Variants in GABRG3 observed in about 807,000 individuals in gnomAD.
GABRG3 encodes gamma-aminobutyric acid receptor subunit gamma-3.
A neutral mutation model predicts 48.8 loss-of-function variants in GABRG3; 25 were observed. The ratio of observed to expected loss-of-function variants is 0.51; its 90% CI spans 0.37 to 0.72. The LOEUF (loss-of-function observed/expected upper bound fraction) is 0.72. GABRG3 is among the 30% of genes least tolerant of loss of function. The pLI is 0.00. For missense variants in GABRG3, 394 were observed against 577.9 expected (o/e 0.68, Z 3.26); for synonymous variants, 227 against 217.6 (o/e 1.04, Z -0.38).
intron 5 of GABRG3, among the ~76,000 whole-genome samples, chr15:27,439,745 T>C (rs562517889): frequency 5.9e-5 from 9 of 152,224 alleles, no homozygotes; most frequent in Non-Finnish European, 1.3e-4. Context: ...AGGCACGTTC[T>C]ATTTTTTTCT....
intron 5 of GABRG3, among the ~76,000 whole-genome samples, chr15:27,378,138 C>T (rs1895657267): frequency 3.3e-5 from 5 of 152,150 alleles, no homozygotes; most frequent in Admixed American, 3.3e-4. Flanking sequence ...TAGCTGATGT[C>T]ATGATTTATC....
intron 5 of GABRG3, among the ~76,000 whole-genome samples, chr15:27,442,986 C>A (rs1888836415): frequency 6.6e-6 from 1 of 152,156 alleles, no homozygotes; most frequent in Non-Finnish European, 1.5e-5. Context: ...TTGGCCCTCC[C>A]CAAATAAAGT....
chr15:27,232,498 G>C (rs965662434), intron 3 of GABRG3, among the ~76,000 whole-genome samples: 3 of 152,148 alleles, frequency 2.0e-5, no homozygotes, highest in African/African-American at 7.2e-5. Context: ...CCAACTCACT[G>C]GATTGAATGT....
intron 5 of GABRG3, among the ~76,000 whole-genome samples, chr15:27,377,813 G>GTA (rs1895646743): frequency 6.6e-6 from 1 of 152,176 alleles, no homozygotes. Flanking sequence ...TGTAAAGCTT[G>GTA]TATATATGGA....
At chr15:27,515,590 G>A (rs1566875400) in intron 6 of GABRG3, among the ~76,000 whole-genome samples, 1 of 152,160 alleles carries the variant, frequency 6.6e-6, no homozygotes, top group African/African-American at 2.4e-5. Flanking sequence ...GTATCTGTAA[G>A]TTGGTGGGGT....
chr15:27,049,375 C>A (rs118158165), intron 3 of GABRG3, among the ~76,000 whole-genome samples: 1 of 152,324 alleles, frequency 6.6e-6, no homozygotes, highest in Non-Finnish European at 1.5e-5. Context: ...TCACTATCTT[C>A]CTGGAGCACC....
At chr15:27,192,133 C>G (rs1033320548) in intron 3 of GABRG3, among the ~76,000 whole-genome samples, 6 of 151,650 alleles carry the variant, frequency 4.0e-5, no homozygotes, top group African/African-American at 1.2e-4. Context: ...GGTAACCCGA[C>G]CTTTCTCTCT....
intron 5 of GABRG3, among the ~76,000 whole-genome samples, chr15:27,450,558 A>G (rs1258750015): frequency 6.6e-6 from 1 of 152,214 alleles, no homozygotes. Context: ...GAAAAAATGT[A>G]CCTCAAAATA....
rs57903886 is a variant in GABRG3, at chr15:27,062,434, T to TAAAAAAAAAAAAAAA, written c.270+35623_270+35637dup. ...CAACATGGTGAAACTCCATCTCTACTAAAAAAAAAAAAAAAAAAAAAAAAT... is the reference window on the plus strand; with the variant it reads ...CAACATGGTGAAACTCCATCTCTACTAAAAAAAAAAAAAAAAAAAAAAAAAAAAAAAAAAAAAAAT... On this transcript the variant is annotated intron_variant, in intron 3 of 9. Transcript: ENST00000615808. Among the ~76,000 whole-genome samples the TAAAAAAAAAAAAAAA allele has an allele frequency of 2.1e-3, 70 of 32,850 alleles. 2 individuals are homozygous for TAAAAAAAAAAAAAAA. The highest frequency in any genetic ancestry group is 7.2e-3 in the East Asian group (11 of 1,520). 21.6% of individuals were successfully genotyped at this position (32,850 alleles called of 152,430 possible).
chr15:27,308,413 A>T (rs1375745299), intron 3 of GABRG3, among the ~76,000 whole-genome samples: 1 of 146,860 alleles, frequency 6.8e-6, no homozygotes, highest in Non-Finnish European at 1.5e-5. Flanking sequence ...AACATATATA[A>T]ACATGTAATG....
chr15:27,238,253 G>T (rs1400276043), intron 3 of GABRG3, among the ~76,000 whole-genome samples: 3 of 152,332 alleles, frequency 2.0e-5, no homozygotes, highest in East Asian at 1.9e-4. Context: ...ACAGTTGTTT[G>T]ATGTGTTTAA....
chr15:27,135,021 T>C (rs1237366139), intron 3 of GABRG3, among the ~76,000 whole-genome samples: 1 of 152,208 alleles, frequency 6.6e-6, no homozygotes, highest in African/African-American at 2.4e-5. Context: ...GTTATGACCT[T>C]GAATGATAAT....
chr15:27,457,344 C>G lies in GABRG3; in HGVS notation c.575-23306C>G, dbSNP rs1345240859. On this transcript the variant is annotated intron_variant, in intron 5 of 9. Coordinates refer to ENST00000615808, the MANE Select transcript of GABRG3 (RefSeq NM_033223.5). This position sits in a 1 kb window ranked among gnomAD's most constrained non-coding sequence, Gnocchi z 4.4. Reference sequence around the variant, plus strand: ...GGACTAAGTCCTTGCTAGCATTTGACGTTTTGTTTTTTGCGTTTGTAGAAA... The same window carrying G: ...GGACTAAGTCCTTGCTAGCATTTGAGGTTTTGTTTTTTGCGTTTGTAGAAA... 6.6e-6 allele frequency among the ~76,000 whole-genome samples: 1 copy of G among 152,170 alleles called. No homozygotes were observed. Among genetic ancestry groups the G allele is most frequent in the African/African-American group, 2.4e-5 (1 of 41,432 alleles).
chr15:27,459,934 T>G (rs1889398852), intron 5 of GABRG3, among the ~76,000 whole-genome samples: 1 of 152,172 alleles, frequency 6.6e-6, no homozygotes, highest in African/African-American at 2.4e-5. Flanking sequence ...TTTCTGGATT[T>G]TGAGAGTGAG....
intron 2 of GABRG3, among the ~76,000 whole-genome samples, chr15:26,999,503 T>TC (rs953907321): frequency 6.6e-6 from 1 of 152,094 alleles, no homozygotes; most frequent in Non-Finnish European, 1.5e-5. Flanking sequence ...CATGTGTTTT[T>TC]CCCCCCTGTG....
intron 3 of GABRG3, among the ~76,000 whole-genome samples, chr15:27,303,174 A>G (rs1363829783): frequency 6.6e-6 from 1 of 151,792 alleles, no homozygotes; most frequent in African/African-American, 2.4e-5. Context: ...AATTAGTGAA[A>G]TCAAATCTAA....
At chr15:27,265,389 C>T (rs954133661) in intron 3 of GABRG3, among the ~76,000 whole-genome samples, 26 of 152,298 alleles carry the variant, frequency 1.7e-4, no homozygotes, top group East Asian at 5.8e-4. Context: ...AAAAAACACC[C>T]GTCTATGCAA....
intron 6 of GABRG3, among the ~76,000 whole-genome samples, chr15:27,494,663 A>C (rs1890439493): frequency 6.6e-6 from 1 of 152,096 alleles, no homozygotes; most frequent in Admixed American, 6.6e-5. Flanking sequence ...TATCCCTCTG[A>C]TGTCCTTACA....
intron 3 of GABRG3, among the ~76,000 whole-genome samples, chr15:27,135,117 A>C (rs1337842999): frequency 6.6e-6 from 1 of 152,186 alleles, no homozygotes; most frequent in African/African-American, 2.4e-5. Flanking sequence ...CTGATGAGCA[A>C]ACATGTGTTT....
Sources: gnomAD v4.1 joint callset for allele counts (sites outside exome capture counted in the v4.1 genomes callset) on GRCh38, gnomAD v4.1.1 for gene constraint, Gnocchi (gnomAD v3.1) non-coding constraint, MANE v1.5 for transcripts, NCBI Gene and HGNC (gene_info 2026-07-23, HGNC 2026-07-21) for gene names.